The following APMAP variants were observed in gnomAD, a reference collection of about 807,000 sequenced individuals.
APMAP encodes adipocyte plasma membrane associated protein.
A neutral mutation model predicts 43.6 loss-of-function variants in APMAP; 33 were observed. The ratio of observed to expected loss-of-function variants is 0.76; its 90% CI spans 0.57 to 1.01. APMAP has a LOEUF of 1.01. APMAP is among the 50% of genes least tolerant of loss of function. The pLI, the probability that APMAP is intolerant of heterozygous loss-of-function variation, is 0.00. For synonymous variants in APMAP, 224 were observed against 216.7 expected (o/e 1.03, Z -0.30); for missense variants, 498 against 540.7 (o/e 0.92, Z 0.78).
rs138758638 is a variant in APMAP at position 24,966,512 on chromosome 20, C to T, written c.1041+2380G>A. On this transcript the variant is annotated intron_variant, in intron 8 of 8. Coordinates refer to ENST00000217456, the MANE Select transcript of APMAP (RefSeq NM_020531.3). ...TATCGCGCCCTCATGACAGCCGCGCCAAGATGAGCACAGCTTCACTGCTGC... is the reference window on the plus strand; with the variant it reads ...TATCGCGCCCTCATGACAGCCGCGCTAAGATGAGCACAGCTTCACTGCTGC... Among the ~76,000 whole-genome samples the T allele has an allele frequency of 2.2e-4, 34 of 152,314 alleles. No homozygotes were observed. In the Middle Eastern group the frequency reaches 0.014, roughly 61 times the overall value.
At position 24,969,600 on chromosome 20, in the gene APMAP, G is replaced by T; in HGVS notation, c.774C>A (p.Phe258Leu). Reference sequence around the variant, plus strand: ...CAGGAGACAGCTGGACTCCATTCGGGAACCGCAGCTGGTCCAATAAAACTT... The same window carrying T: ...CAGGAGACAGCTGGACTCCATTCGGTAACCGCAGCTGGTCCAATAAAACTT... ...EVKVLLDQLR[F>L]PNGVQLSPAE... Residue 258 changes from phenylalanine to leucine, a missense_variant, in exon 7 of 9, where the codon TTC (phenylalanine) becomes TTA (leucine). Transcript: ENST00000217456. 1 of 1,614,074 alleles carries T rather than the reference G, an allele frequency of 6.2e-7. No homozygotes were observed. The highest frequency in any genetic ancestry group is 1.3e-5 in the African/African-American group (1 of 75,040).
At chr20:24,980,960 G>A (rs1343189272) in intron 2 of APMAP, among the ~76,000 whole-genome samples, 1 of 152,244 alleles carries the variant, frequency 6.6e-6, no homozygotes, top group Admixed American at 6.5e-5. Flanking sequence ...TGATGGACGG[G>A]TGTTTGGGAG....
intron 1 of APMAP, among the ~76,000 whole-genome samples, chr20:24,987,112 C>G (rs1338898412): frequency 2.0e-5 from 3 of 152,168 alleles, no homozygotes; most frequent in Non-Finnish European, 4.4e-5. Flanking sequence ...TTGCTGCCCA[C>G]TCATCTGGTT....
At chr20:24,992,317 C>T (rs940149733) in intron 1 of APMAP, among the ~76,000 whole-genome samples, 1 of 152,158 alleles carries the variant, frequency 6.6e-6, no homozygotes, top group Admixed American at 6.5e-5. Flanking sequence ...GGCAAAGGAG[C>T]GGCGCGAGGC....
chr20:24,968,784 A>C (rs1233685373), intron 8 of APMAP, 108 bp downstream of exon 8: 2 of 1,116,078 alleles, frequency 1.8e-6, no homozygotes, highest in East Asian at 5.3e-5. Context: ...AGTGTCATTC[A>C]GAGCCAAATA....
intron 3 of APMAP, among the ~76,000 whole-genome samples, chr20:24,978,203 G>A (rs1350729907): frequency 6.6e-6 from 1 of 152,186 alleles, no homozygotes; most frequent in Non-Finnish European, 1.5e-5. Context: ...TTAACAAACA[G>A]AAAATGCCTT....
At chr20:24,986,944 GC>G (rs2088152737) in intron 1 of APMAP, among the ~76,000 whole-genome samples, 1 of 152,200 alleles carries the variant, frequency 6.6e-6, no homozygotes, top group African/African-American at 2.4e-5. Flanking sequence ...ATGGTGATCT[GC>G]CTATTCTAGG....
intron 2 of APMAP, among the ~76,000 whole-genome samples, chr20:24,980,914 T>C (rs62215123): frequency 0.033 from 4,986 of 152,310 alleles, 111 homozygotes; most frequent in Non-Finnish European, 0.049. Context: ...GTCAAGAGGA[T>C]CAGGCCAGCA....
Position 24,973,857 on chromosome 20 carries a change from T to A in APMAP, c.329-120A>T, listed in dbSNP as rs2088027525. ...CCCTGCCCTATAGAGGAAATGCCAA[T>A]TCTCAAGATGGAAGAGAAGCAATTT... On this transcript the variant is annotated intron_variant, in intron 3 of 8. Coordinates refer to ENST00000217456, the MANE Select transcript of APMAP (RefSeq NM_020531.3). 8.9e-6 allele frequency: 7 copies of A among 790,712 alleles called. No homozygotes were observed. In the Admixed American group the frequency reaches 1.7e-4, roughly 19 times the overall value. The allele number at this position is 790,712 out of a possible 1,614,324, so 49.0% of individuals were successfully genotyped here.
At chr20:24,968,773 A>G in intron 8 of APMAP, 119 bp downstream of exon 8, 1 of 954,610 alleles carries the variant, frequency 1.0e-6, no homozygotes, top group Non-Finnish European at 1.5e-6. Flanking sequence ...ATGTGTTTCT[A>G]AGTGTCATTC....
intron 5 of APMAP, 118 bp from the exon 6 acceptor site, chr20:24,970,489 G>T: frequency 1.1e-6 from 1 of 938,178 alleles, no homozygotes; most frequent in Non-Finnish European, 1.5e-6. Flanking sequence ...CATGTCATTT[G>T]TCAGAAGATT....
intron 6 of APMAP, 119 bp downstream of exon 6, chr20:24,970,078 T>C (rs1473740264): frequency 1.5e-6 from 2 of 1,306,360 alleles, no homozygotes; most frequent in African/African-American, 3.0e-5. Flanking sequence ...GGTCCTGTCC[T>C]AGAAGCTGAA....
chr20:24,967,545 T>C (rs1227439935), intron 8 of APMAP, among the ~76,000 whole-genome samples: 2 of 152,280 alleles, frequency 1.3e-5, no homozygotes, highest in East Asian at 3.9e-4. Flanking sequence ...ATGCATGAAC[T>C]AAACAGAAAA....
chr20:24,978,390 A>G (rs1419009456), intron 3 of APMAP, among the ~76,000 whole-genome samples: 1 of 152,268 alleles, frequency 6.6e-6, no homozygotes, highest in Non-Finnish European at 1.5e-5. Flanking sequence ...AGTGAAATCT[A>G]TACAAAGCAA....
chr20:24,992,497 C>T, intron 1 of APMAP, 97 bp downstream of exon 1: 1 of 999,116 alleles, frequency 1.0e-6, no homozygotes, highest in African/African-American at 1.7e-5. Flanking sequence ...GGCACCGCAT[C>T]CCCAGGTTAC....
intron 8 of APMAP, among the ~76,000 whole-genome samples, chr20:24,966,261 C>A (rs141426124): frequency 1.3e-5 from 2 of 152,180 alleles, no homozygotes; most frequent in African/African-American, 2.4e-5. Context: ...CTCCTCCTGG[C>A]CACAGATGGG....
chr20:24,964,274 C>T (rs938306668), intron 8 of APMAP: 11 of 656,770 alleles, frequency 1.7e-5, no homozygotes, highest in Admixed American at 2.1e-5. Context: ...AGGACAGCAA[C>T]GCAAGCACAT....
Position 24,978,651 on chromosome 20 carries a change from G to A in APMAP, c.328+116C>T, listed in dbSNP as rs952892469. The A allele has an allele frequency of 1.0e-5, 8 of 780,636 alleles. No individual in the cohort carries two copies. The South Asian group carries it at 1.3e-4, about 13-fold the overall frequency. 48.4% of individuals were successfully genotyped at this position (780,636 alleles called of 1,614,324 possible). ...AAGTCCCACGTCCGCAGCTAAGAAG[G>A]ATGTGCAGGGCCCCAGTCCAGGGGC... On this transcript the variant is annotated intron_variant, in intron 3 of 8. Transcript: ENST00000217456.
chr20:24,985,666 TA>T (rs1332724342), intron 1 of APMAP, among the ~76,000 whole-genome samples: 1 of 152,096 alleles, frequency 6.6e-6, no homozygotes, highest in East Asian at 1.9e-4. Flanking sequence ...AACAGATATC[TA>T]AAAAAATGTG....
Sources: gnomAD v4.1 joint callset for allele counts (sites outside exome capture counted in the v4.1 genomes callset) on GRCh38, gnomAD v4.1.1 for gene constraint, MANE v1.5 for transcripts, NCBI Gene and HGNC (gene_info 2026-07-23, HGNC 2026-07-21) for gene names.